Variants in CHRM4 observed in about 807,000 individuals in gnomAD.
CHRM4 encodes muscarinic acetylcholine receptor M4.
CHRM4 carries 5 observed loss-of-function variants against 26.3 expected under a neutral mutation model. The ratio of observed to expected loss-of-function variants is 0.19; its 90% confidence interval spans 0.10 to 0.40. The LOEUF is 0.40. Ranked by LOEUF, CHRM4 falls within the 10% of genes least tolerant of loss-of-function variation. CHRM4 has a pLI of 1.00. For missense variants in CHRM4, 402 were observed against 664.5 expected, an observed-to-expected ratio of 0.60 and a Z score of 4.34; for synonymous variants, 290 against 285.3, an observed-to-expected ratio of 1.02 and a Z score of -0.16.
chr11:46,390,115 G>A (rs927805326), intron 1 of CHRM4, among the ~76,000 whole-genome samples: 6 of 152,096 alleles, frequency 3.9e-5, no homozygotes, highest in African/African-American at 1.4e-4. Context: ...CATTCCAAAC[G>A]CCCCTGCCGG....
Position 46,385,659 on chromosome 11 carries a change from C to T in CHRM4, c.899G>A (p.Ser300Asn), listed in dbSNP as rs992834187. ...GCGTTCCTTGGTGTTCTGGGTGGCA[C>T]TGCCTGAGCTGGACTCATTGGAAGT... ...KDTSNESSSGSATQNTKERPA... is the reference protein window; with the variant it reads ...KDTSNESSSGNATQNTKERPA... The change falls in exon 2 of 2, where the codon AGT (serine) becomes AAT (asparagine). Residue 300 changes from serine (S) to asparagine (N), a missense_variant. Transcript: ENST00000682254. The surrounding 1 kb of genome is among the most constrained non-coding windows in gnomAD (Gnocchi z 6.3). 6.5e-7 allele frequency: 1 copy of T among 1,534,724 alleles called. No individual in the cohort carries two copies. Among genetic ancestry groups the T allele is most frequent in the Non-Finnish European group, 8.8e-7 (1 of 1,142,408 alleles).
In CHRM4 at chr11:46,391,668, C is replaced by A. The variant is rs990913766; in HGVS notation, c.-167G>T. 1.3e-5 allele frequency among the ~76,000 whole-genome samples: 2 copies of A among 149,286 alleles called. No individual in the cohort carries two copies. The highest frequency in any genetic ancestry group is 3.0e-5 in the Non-Finnish European group (2 of 66,926). On this transcript the variant is annotated 5_prime_UTR_variant, in exon 1 of 2. Coordinates refer to ENST00000682254, the MANE Select transcript of CHRM4 (RefSeq NM_000741.5). This position sits in a 1 kb window ranked among gnomAD's most constrained non-coding sequence, Gnocchi z 6.3. ...CGCGCCAGACAGACGGCGGGACGGA[C>A]GCGCGGCCCCGCGGGCCGGCGGGGC...
Position 46,391,234 on chromosome 11 carries a change from G to T in CHRM4, c.-30+297C>A, listed in dbSNP as rs1047299909. 6.6e-6 allele frequency among the ~76,000 whole-genome samples: 1 copy of T among 152,034 alleles called. No individual in the cohort carries two copies. Among genetic ancestry groups the T allele is most frequent in the African/African-American group, 2.4e-5 (1 of 41,410 alleles). On this transcript the variant is annotated intron_variant, in intron 1 of 1. Coordinates refer to ENST00000682254, the MANE Select transcript of CHRM4 (RefSeq NM_000741.5). The surrounding 1 kb of genome is among the most constrained non-coding windows in gnomAD (Gnocchi z 6.3). The stretch of plus-strand genomic sequence containing the variant: ...GAGGGCGGGGAGACGGCGGGAAAAG[G>T]GCTCTTTGGGGCTTCAGCGCCCGGC...
chr11:46,384,988 T>C lies in CHRM4; in HGVS notation c.*130A>G. ...TCTCTGAATGCAGCCACAGAGCCTC[T>C]TCTGAACTTCCTCCTCAGCAAACGT... On this transcript the variant is annotated 3_prime_UTR_variant, in exon 2 of 2. Coordinates refer to ENST00000682254, the MANE Select transcript of CHRM4 (RefSeq NM_000741.5). 1 of 1,362,330 alleles carries C rather than the reference T, an allele frequency of 7.3e-7. No individual in the cohort carries two copies. Among genetic ancestry groups the C allele is most frequent in the Non-Finnish European group, 9.8e-7 (1 of 1,022,802 alleles). The allele number at this position is 1,362,330 out of a possible 1,614,324, so 84.4% of individuals were successfully genotyped here.
In CHRM4 at chr11:46,384,945, G is replaced by T; in HGVS notation, c.*173C>A. ...ACACTCCCTGGGGTGAGCCTCCTCA[G>T]CCTGAGCAGAGATCTGGTCTCTGAA... On this transcript the variant is annotated 3_prime_UTR_variant, in exon 2 of 2. Coordinates refer to ENST00000682254, the MANE Select transcript of CHRM4 (RefSeq NM_000741.5). 1.5e-6 allele frequency: 1 copy of T among 655,958 alleles called. No individual in the cohort carries two copies. The highest frequency in any genetic ancestry group is 1.9e-6 in the Non-Finnish European group (1 of 529,214). The allele number at this position is 655,958 out of a possible 1,614,324, so 40.6% of individuals were successfully genotyped here. A position where few individuals can be genotyped will look rare whatever the true frequency, so the allele number is the denominator to read the frequency against.
At position 46,383,843 on chromosome 11, in the gene CHRM4, G is replaced by A. The variant is rs914165635; in HGVS notation, c.*1275C>T. 1 of 377,824 alleles carries A rather than the reference G, an allele frequency of 2.6e-6. No individual in the cohort carries two copies. The highest frequency in any genetic ancestry group is 2.1e-5 in the African/African-American group (1 of 47,736). 23.4% of individuals were successfully genotyped at this position (377,824 alleles called of 1,614,324 possible). A position where few individuals can be genotyped will look rare whatever the true frequency, so the allele number is the denominator to read the frequency against. ...TTAATATATAAAAGCCCCTTCCCAA[G>A]GAGTTTGCTGTGGAAATGTGTTTGG... On this transcript the variant is annotated 3_prime_UTR_variant, in exon 2 of 2. Coordinates refer to ENST00000682254, the MANE Select transcript of CHRM4 (RefSeq NM_000741.5).
rs1457610213 is a variant in CHRM4 at position 46,391,698 on chromosome 11, G to A, written c.-197C>T. ...GGCCCCGCGGGCCGGCGGGGCGGGC[G>A]GCCGGGCCGAGGGCCGGGGGCGGGG... is the stretch of plus-strand genomic sequence containing the variant. On this transcript the variant is annotated 5_prime_UTR_variant, in exon 1 of 2. Transcript: ENST00000682254. The surrounding 1 kb of genome is among the most constrained non-coding windows in gnomAD (Gnocchi z 6.3). Among the ~76,000 whole-genome samples the A allele has an allele frequency of 6.7e-6, 1 of 148,808 alleles. No individual in the cohort carries two copies.
Position 46,386,369 on chromosome 11 carries a change from C to T in CHRM4, c.189G>A (p.Leu63=), listed in dbSNP as rs201142925. The part of the protein sequence containing the change: ...VMLSIKVNRQ[L]QTVNNYFLFS... ...AGAGGAAGTAGTTGTTGACTGTCTGCAGCTGCCTGTTGACCTTGATGGACA... is the reference window on the plus strand; with the variant it reads ...AGAGGAAGTAGTTGTTGACTGTCTGTAGCTGCCTGTTGACCTTGATGGACA... The change falls in exon 2 of 2, where the codon CTG becomes CTA. Residue 63 remains leucine, a synonymous_variant. Coordinates refer to ENST00000682254, the MANE Select transcript of CHRM4 (RefSeq NM_000741.5). The surrounding 1 kb of genome is among the most constrained non-coding windows in gnomAD (Gnocchi z 5.8). The T allele has an allele frequency of 5.0e-6, 8 of 1,613,926 alleles. No individual in the cohort carries two copies. The African/African-American group carries it at 9.3e-5, about 19-fold the overall frequency.
Position 46,386,873 on chromosome 11 carries a change from G to T in CHRM4, c.-29-287C>A, listed in dbSNP as rs1270897948. Among the ~76,000 whole-genome samples, 2 of 152,218 alleles carry T rather than the reference G, an allele frequency of 1.3e-5. No individual in the cohort carries two copies. Among genetic ancestry groups the T allele is most frequent in the African/African-American group, 4.8e-5 (2 of 41,454 alleles). On this transcript the variant is annotated intron_variant, in intron 1 of 1. Transcript: ENST00000682254. The surrounding 1 kb of genome is among the most constrained non-coding windows in gnomAD (Gnocchi z 5.8). ...ACGTGAGCCACAAAAGAAAAAAAAG[G>T]CAGGGTGATGAGAGAGTGAGTCAGA...
chr11:46,387,905 G>A (rs971028988), intron 1 of CHRM4, among the ~76,000 whole-genome samples: 5 of 152,314 alleles, frequency 3.3e-5, no homozygotes, highest in Admixed American at 3.3e-4. Flanking sequence ...GTCCCAGAGG[G>A]AAGAGAAGGG....
At chr11:46,387,328 G>A (rs1313127190) in intron 1 of CHRM4, among the ~76,000 whole-genome samples, 6 of 152,178 alleles carry the variant, frequency 3.9e-5, no homozygotes, top group Non-Finnish European at 8.8e-5. Context: ...TAGAGACAGG[G>A]TCTTGGTATG....
rs182717427 is a variant in CHRM4, at chr11:46,386,634, G to A, written c.-29-48C>T. 3.9e-5 allele frequency: 60 copies of A among 1,521,304 alleles called. No homozygotes were observed. In the East Asian group the frequency reaches 1.4e-3, roughly 34 times the overall value. 94.2% of individuals were successfully genotyped at this position (1,521,304 alleles called of 1,614,324 possible). A position where few individuals can be genotyped will look rare whatever the true frequency, so the allele number is the denominator to read the frequency against. On this transcript the variant is annotated intron_variant, in intron 1 of 1. Transcript: ENST00000682254. The surrounding 1 kb of genome is among the most constrained non-coding windows in gnomAD (Gnocchi z 5.8). ...AGCATGAACTACAGGAGGGAATGGG[G>A]GAGTCATCTGGAGGTACACTGGATT...
At chr11:46,387,236 A>G (rs868369931) in intron 1 of CHRM4, among the ~76,000 whole-genome samples, 1 of 152,238 alleles carries the variant, frequency 6.6e-6, no homozygotes, top group South Asian at 2.1e-4. Flanking sequence ...GGTATGTATG[A>G]GCACCTAACA....
At chr11:46,389,622 G>A (rs1224003999) in intron 1 of CHRM4, among the ~76,000 whole-genome samples, 1 of 152,208 alleles carries the variant, frequency 6.6e-6, no homozygotes. Flanking sequence ...TGCGGCCGCC[G>A]TTGGCCACCG....
chr11:46,385,586 G>C lies in CHRM4; in HGVS notation c.972C>G (p.Pro324=). Residue 324 remains proline (P), a synonymous_variant, in exon 2 of 2, where the codon CCC becomes CCG. Coordinates refer to ENST00000682254, the MANE Select transcript of CHRM4 (RefSeq NM_000741.5). The surrounding 1 kb of genome is among the most constrained non-coding windows in gnomAD (Gnocchi z 6.3). The part of the protein sequence containing the change: ...STTEATTPAM[P]APPLQPRALN... ...GGGCCCGCGGCTGCAGGGGAGGGGC[G>C]GGCATGGCGGGCGTGGTGGCCTCTG... is the stretch of plus-strand genomic sequence containing the variant. 6.4e-7 allele frequency: 1 copy of C among 1,552,052 alleles called. No individual in the cohort carries two copies. The highest frequency in any genetic ancestry group is 8.7e-7 in the Non-Finnish European group (1 of 1,145,774).
Position 46,385,762 on chromosome 11 carries a change from C to T in CHRM4, c.796G>A (p.Glu266Lys), listed in dbSNP as rs769487194. The T allele has an allele frequency of 3.1e-6, 5 of 1,597,348 alleles. No homozygotes were observed. Among genetic ancestry groups the T allele is most frequent in the African/African-American group, 1.3e-5 (1 of 74,498 alleles). ...TCCTCCAGCTTGCCATTGCGCAGCT[C>T]CTCCCGGGCGGCCTCCCCGGGCGGG... ...KPPPGEAAREELRNGKLEEAP... is the reference protein window; with the variant it reads ...KPPPGEAAREKLRNGKLEEAP... The change falls in exon 2 of 2, where the codon GAG becomes AAG. Residue 266 changes from glutamate (E) to lysine (K), a missense_variant. Coordinates refer to ENST00000682254, the MANE Select transcript of CHRM4 (RefSeq NM_000741.5). This position sits in a 1 kb window ranked among gnomAD's most constrained non-coding sequence, Gnocchi z 6.3.
chr11:46,387,764 C>G (rs1945355732), intron 1 of CHRM4, among the ~76,000 whole-genome samples: 1 of 152,248 alleles, frequency 6.6e-6, no homozygotes, highest in South Asian at 2.1e-4. Flanking sequence ...GTACCTGCAA[C>G]TGTCACATCC....
In CHRM4 at chr11:46,384,369, C is replaced by G. The variant is rs1202908366; in HGVS notation, c.*749G>C. 6.6e-6 allele frequency among the ~76,000 whole-genome samples: 1 copy of G among 152,226 alleles called. No individual in the cohort carries two copies. The highest frequency in any genetic ancestry group is 2.1e-4 in the South Asian group (1 of 4,832). On this transcript the variant is annotated 3_prime_UTR_variant, in exon 2 of 2. Transcript: ENST00000682254. Reference sequence around the variant, plus strand: ...GCCATCCACCACAGCCTCACCCTGACTCGATGTGTGACCTGGGACAGCCTT... The same window carrying G: ...GCCATCCACCACAGCCTCACCCTGAGTCGATGTGTGACCTGGGACAGCCTT...
intron 1 of CHRM4, among the ~76,000 whole-genome samples, chr11:46,387,168 TTCTTA>T: frequency 6.6e-6 from 1 of 152,210 alleles, no homozygotes; most frequent in Non-Finnish European, 1.5e-5. Flanking sequence ...ATTCGGTCAT[TTCTTA>T]ACACCTGCTC....
Sources: allele counts gnomAD v4.1 joint callset (sites outside exome capture counted in the v4.1 genomes callset), GRCh38; gene constraint gnomAD v4.1.1; non-coding constraint Gnocchi (gnomAD v3.1); transcripts MANE v1.5; gene names NCBI Gene and HGNC (gene_info 2026-07-23, HGNC 2026-07-21).